The following UBAP2 variants were observed in gnomAD, a reference collection of about 807,000 sequenced individuals.
UBAP2 encodes the protein ubiquitin associated protein 2.
A neutral mutation model predicts 139.6 loss-of-function variants in UBAP2; 75 were observed. That is an observed-to-expected ratio of 0.54 (90% CI 0.45 to 0.65). The LOEUF (loss-of-function observed/expected upper bound fraction) is 0.65. Ranked by LOEUF, UBAP2 falls within the 30% of genes least tolerant of loss-of-function variation. The pLI is 0.00. For synonymous variants in UBAP2, 526 were observed against 526.2 expected (o/e 1.00, Z 0.01); for missense variants, 1,368 against 1,369.6 (o/e 1.00, Z 0.02).
intron 8 of UBAP2, among the ~76,000 whole-genome samples, chr9:33,970,611 C>G (rs1162702704): frequency 6.6e-6 from 1 of 151,782 alleles, no homozygotes; most frequent in Non-Finnish European, 1.5e-5. Context: ...TTTAAGTTTT[C>G]TTAGTATAGA....
chr9:33,948,427 G>A lies in UBAP2; in HGVS notation c.1217C>T (p.Thr406Ile). The part of the protein sequence containing the change: ...QNSTSHPTTT[T>I]SWDLKPPTSQ... ...TGTTGGGGGCTTGAGGTCCCAAGAA[G>A]TAGTAGTTGTAGGGTGACTTGTACT... The change falls in exon 13 of 29, where the codon ACT becomes ATT. Residue 406 changes from threonine to isoleucine, a missense_variant. Thr to Ile is a moderately conservative substitution (Grantham distance 89). Coordinates refer to ENST00000379238, the MANE Select transcript of UBAP2 (RefSeq NM_001370062.2). 2 of 1,613,982 alleles carry A rather than the reference G, an allele frequency of 1.2e-6. No homozygotes were observed. Among genetic ancestry groups the A allele is most frequent in the Non-Finnish European group, 8.5e-7 (1 of 1,179,890 alleles).
intron 2 of UBAP2, among the ~76,000 whole-genome samples, chr9:34,014,866 T>C (rs1824111640): frequency 6.6e-6 from 1 of 152,180 alleles, no homozygotes; most frequent in Non-Finnish European, 1.5e-5. Flanking sequence ...CCTCCAAATT[T>C]TTCCATCACT....
chr9:33,960,693 C>T (rs1587567865), intron 10 of UBAP2, 133 bp downstream of exon 10: 1 of 768,472 alleles, frequency 1.3e-6, no homozygotes, highest in Non-Finnish European at 2.1e-6. Flanking sequence ...GGCAGAAGAA[C>T]TGCTTGAATC....
intron 2 of UBAP2, among the ~76,000 whole-genome samples, chr9:34,001,415 G>A (rs916638815): frequency 2.6e-5 from 4 of 152,216 alleles, no homozygotes; most frequent in African/African-American, 7.2e-5. Flanking sequence ...GCTTTTGGGA[G>A]CTGGTAAGCT....
At chr9:33,923,055 C>A in intron 26 of UBAP2, 22 bp from the exon 27 acceptor site, 1 of 1,614,000 alleles carries the variant, frequency 6.2e-7, no homozygotes, top group East Asian at 2.2e-5. Context: ...AGCAGTTGTT[C>A]CCCACAGCAG....
At chr9:33,928,324 C>T (rs989027689) in intron 19 of UBAP2, 16 of 275,194 alleles carry the variant, frequency 5.8e-5, no homozygotes, top group African/African-American at 2.8e-4. Flanking sequence ...AAGATAACTT[C>T]GGATCATAAA....
chr9:34,016,124 A>T (rs2131271349), intron 2 of UBAP2, among the ~76,000 whole-genome samples: 1 of 151,468 alleles, frequency 6.6e-6, no homozygotes, highest in East Asian at 1.9e-4. Context: ...AGCAGCAGGG[A>T]AGGAGGAGGA....
chr9:33,986,960 C>G (rs1273971440), intron 5 of UBAP2, 123 bp from the exon 6 acceptor site: 3 of 874,934 alleles, frequency 3.4e-6, no homozygotes, highest in Non-Finnish European at 5.5e-6. Flanking sequence ...ACAACGGGTT[C>G]AAAAACAGGA....
chr9:34,040,472 C>T (rs897857015), intron 1 of UBAP2, among the ~76,000 whole-genome samples: 1 of 151,968 alleles, frequency 6.6e-6, no homozygotes, highest in Non-Finnish European at 1.5e-5. Flanking sequence ...AAGAGGTTAG[C>T]TGATGGCTCA....
rs780740846 is a variant in UBAP2, at chr9:33,960,881, G to A, written c.746-3C>T. The A allele has an allele frequency of 2.5e-6, 4 of 1,613,712 alleles. No individual in the cohort carries two copies. Among genetic ancestry groups the A allele is most frequent in the Non-Finnish European group, 3.4e-6 (4 of 1,179,928 alleles). On this transcript the variant is annotated splice_polypyrimidine_tract_variant and splice_region_variant and intron_variant, in intron 9 of 28. Coordinates refer to ENST00000379238, the MANE Select transcript of UBAP2 (RefSeq NM_001370062.2). ...TTCCACAGAATTCTTCCAAGCCCCT[G>A]TTGGGAAACAACAGCAATCAAAGTT... is the stretch of plus-strand genomic sequence containing the variant.
intron 15 of UBAP2, among the ~76,000 whole-genome samples, chr9:33,942,521 A>G (rs1310714379): frequency 5.9e-5 from 9 of 152,092 alleles, no homozygotes. Flanking sequence ...TGAGCTCCAG[A>G]GTTTGAGGCC....
chr9:34,017,017 G>GAA (rs11432780), intron 2 of UBAP2, 33 bp downstream of exon 2: 42,669 of 1,231,908 alleles, frequency 0.035, 2 homozygotes, highest in Non-Finnish European at 0.037. Flanking sequence ...GAAAAAAAAG[G>GAA]AAAAAAAAAA....
At chr9:34,023,926 C>T (rs1825176893) in intron 1 of UBAP2, among the ~76,000 whole-genome samples, 1 of 152,160 alleles carries the variant, frequency 6.6e-6, no homozygotes, top group Admixed American at 6.5e-5. Flanking sequence ...CACCTGTAGT[C>T]CCAGCTACCC....
rs181900898 is a variant in UBAP2, at chr9:34,003,736, T to C, written c.100-4872A>G. 4.0e-5 allele frequency among the ~76,000 whole-genome samples: 6 copies of C among 151,066 alleles called. No individual in the cohort carries two copies. The East Asian group carries it at 1.2e-3, about 30-fold the overall frequency. ...AAAGATTTCTTTCTTTTGTTTTTTT[T>C]TGAGACAGAGTTTCACTCTTGTTGC... is the stretch of plus-strand genomic sequence containing the variant. On this transcript the variant is annotated intron_variant, in intron 2 of 28. Coordinates refer to ENST00000379238, the MANE Select transcript of UBAP2 (RefSeq NM_001370062.2).
intron 1 of UBAP2, among the ~76,000 whole-genome samples, chr9:34,019,946 G>T (rs1036583575): frequency 2.6e-5 from 4 of 151,714 alleles, no homozygotes; most frequent in African/African-American, 9.7e-5. Context: ...CAGATCACGA[G>T]GTCAGGAGTT....
At chr9:34,031,115 T>A (rs115850036) in intron 1 of UBAP2, among the ~76,000 whole-genome samples, 3 of 151,292 alleles carry the variant, frequency 2.0e-5, no homozygotes, top group African/African-American at 7.3e-5. Context: ...CTCTCTCTAC[T>A]AAACATACAA....
chr9:33,932,775 A>AT, intron 18 of UBAP2, 147 bp from the exon 19 acceptor site: 1 of 818,902 alleles, frequency 1.2e-6, no homozygotes, highest in Non-Finnish European at 1.9e-6. Context: ...CCTTATCCCC[A>AT]CAGAGCCCAG....
chr9:34,016,557 A>T (rs979052795), intron 2 of UBAP2, among the ~76,000 whole-genome samples: 4 of 148,856 alleles, frequency 2.7e-5, no homozygotes, highest in African/African-American at 7.6e-5. Context: ...TTTTTTATTT[A>T]TTTTATTTTT....
rs372644288 is a variant in UBAP2, at chr9:33,948,598, G to A, written c.1057-11C>T. 35 of 1,612,078 alleles carry A rather than the reference G, an allele frequency of 2.2e-5. No individual in the cohort carries two copies. Among genetic ancestry groups the A allele is most frequent in the Non-Finnish European group, 2.9e-5 (34 of 1,178,668 alleles). ...GCCAAGGACGGATGACTTTAAAAGG[G>A]GGATAAAAGAACAAATCCTCAACAA... On this transcript the variant is annotated splice_polypyrimidine_tract_variant and intron_variant, in intron 12 of 28. Transcript: ENST00000379238.
Sources: gnomAD v4.1 joint callset for allele counts (sites outside exome capture counted in the v4.1 genomes callset) on GRCh38, gnomAD v4.1.1 for gene constraint, MANE v1.5 for transcripts, NCBI Gene and HGNC (gene_info 2026-07-23, HGNC 2026-07-21) for gene names.